The following MIPOL1 variants were observed in gnomAD, a reference collection of about 807,000 sequenced individuals.
MIPOL1 encodes the protein mirror-image polydactyly 1, also known as mirror-image polydactyly gene 1 protein.
A neutral mutation model predicts 60.9 loss-of-function variants in MIPOL1; 57 were observed. The ratio of observed to expected loss-of-function variants is 0.94; its 90% CI spans 0.76 to 1.17. MIPOL1 has a LOEUF of 1.17. MIPOL1 is among the 50% of genes most tolerant of loss of function. The pLI is 0.00. For missense variants in MIPOL1, 551 were observed against 511.6 expected, an observed-to-expected ratio of 1.08 and a Z score of -0.74; for synonymous variants, 179 against 168.8, an observed-to-expected ratio of 1.06 and a Z score of -0.47.
At chr14:37,493,239 A>G (rs2095070497) in intron 11 of MIPOL1, among the ~76,000 whole-genome samples, 1 of 152,216 alleles carries the variant, frequency 6.6e-6, no homozygotes, top group Non-Finnish European at 1.5e-5. Context: ...AGCTTAATCC[A>G]TGTTTAACAT....
At chr14:37,543,989 T>C (rs2095538762) in intron 12 of MIPOL1, among the ~76,000 whole-genome samples, 2 of 152,210 alleles carry the variant, frequency 1.3e-5, no homozygotes, top group Admixed American at 6.5e-5. Context: ...TACTGAAACA[T>C]GCATAAGAAG....
intron 6 of MIPOL1, among the ~76,000 whole-genome samples, chr14:37,281,887 T>A (rs1375980664): frequency 6.6e-6 from 1 of 152,228 alleles, no homozygotes; most frequent in African/African-American, 2.4e-5. Context: ...TTGCATTGAA[T>A]CTTTAGAGTA....
intron 9 of MIPOL1, among the ~76,000 whole-genome samples, chr14:37,331,553 GTTTT>G (rs71127208): frequency 1.4e-5 from 2 of 141,714 alleles, no homozygotes; most frequent in African/African-American, 5.3e-5. Context: ...TTACATTCTT[GTTTT>G]TTTTTTCAGG....
At chr14:37,436,421 C>G (rs182098829) in intron 11 of MIPOL1, among the ~76,000 whole-genome samples, 10 of 152,180 alleles carry the variant, frequency 6.6e-5, no homozygotes, top group Non-Finnish European at 1.5e-4. Flanking sequence ...ATGACACATG[C>G]ATTAGTAAAT....
intron 11 of MIPOL1, among the ~76,000 whole-genome samples, chr14:37,464,517 G>C (rs1390362443): frequency 6.6e-6 from 1 of 152,146 alleles, no homozygotes; most frequent in South Asian, 2.1e-4. Flanking sequence ...TAACTTATAA[G>C]TGGGAGCTAA....
chr14:37,211,273 C>T, intron 1 of MIPOL1, among the ~76,000 whole-genome samples: 1 of 140,836 alleles, frequency 7.1e-6, no homozygotes, highest in African/African-American at 2.7e-5. Flanking sequence ...CAAGTGAGCA[C>T]ACATAGTACC....
At chr14:37,213,634 G>A (rs1160544781) in intron 1 of MIPOL1, among the ~76,000 whole-genome samples, 2 of 152,122 alleles carry the variant, frequency 1.3e-5, no homozygotes, top group Non-Finnish European at 2.9e-5. Flanking sequence ...AGTGGAGAAA[G>A]AGATAGGGGC....
At position 37,228,407 on chromosome 14, in the gene MIPOL1, A is replaced by AG. The variant is rs1257180523; in HGVS notation, c.-198-18692dup. On this transcript the variant is annotated intron_variant, in intron 1 of 12. Coordinates refer to ENST00000684589, the MANE Select transcript of MIPOL1 (RefSeq NM_001388067.1). ...CAGCCTTTTGCAGTTCATTGTCTTA[A>AG]GGGGAACTGGACACCTTCCTGACTT... Among the ~76,000 whole-genome samples the AG allele has an allele frequency of 5.4e-5, 8 of 148,960 alleles. No homozygotes were observed. The Admixed American group carries it at 5.4e-4, about 10-fold the overall frequency.
chr14:37,545,627 G>T, intron 12 of MIPOL1: 1 of 634,802 alleles, frequency 1.6e-6, no homozygotes, highest in South Asian at 1.8e-5. Flanking sequence ...TTGATGCACT[G>T]AATAATTTTG....
At chr14:37,457,514 T>C (rs2094490495) in intron 11 of MIPOL1, among the ~76,000 whole-genome samples, 1 of 152,162 alleles carries the variant, frequency 6.6e-6, no homozygotes, top group African/African-American at 2.4e-5. Flanking sequence ...CTTCTCTCCC[T>C]CACTCACCTT....
chr14:37,442,859 T>C (rs1286528367), intron 11 of MIPOL1, among the ~76,000 whole-genome samples: 1 of 152,050 alleles, frequency 6.6e-6, no homozygotes, highest in Non-Finnish European at 1.5e-5. Flanking sequence ...TGGAAAAACA[T>C]CTGTGTTCAT....
At chr14:37,419,459 G>A (rs150014271) in intron 10 of MIPOL1, among the ~76,000 whole-genome samples, 5 of 151,998 alleles carry the variant, frequency 3.3e-5, no homozygotes, top group African/African-American at 1.2e-4. Context: ...AGTGAAAATG[G>A]GTAAATCTTT....
At chr14:37,200,850 A>ATCTG (rs1965149051) in intron 1 of MIPOL1, among the ~76,000 whole-genome samples, 1 of 87,032 alleles carries the variant, frequency 1.1e-5, no homozygotes, top group Non-Finnish European at 2.0e-5. Context: ...ATATCTATCT[A>ATCTG]TGTGTGTGTG....
At chr14:37,288,173 T>C (rs1026958333) in intron 7 of MIPOL1, among the ~76,000 whole-genome samples, 1 of 151,002 alleles carries the variant, frequency 6.6e-6, no homozygotes, top group East Asian at 2.0e-4. Flanking sequence ...TTTTTGGTTG[T>C]TGTTTTGTTT....
intron 12 of MIPOL1, among the ~76,000 whole-genome samples, chr14:37,518,874 G>T (rs569164781): frequency 6.6e-6 from 1 of 152,076 alleles, no homozygotes; most frequent in Admixed American, 6.6e-5. Context: ...ATAAACCATC[G>T]TGAAAAGGTT....
intron 9 of MIPOL1, among the ~76,000 whole-genome samples, chr14:37,358,353 C>T (rs2091990111): frequency 6.6e-6 from 1 of 152,074 alleles, no homozygotes; most frequent in African/African-American, 2.4e-5. Context: ...GGTATATATC[C>T]AGCAATGGAA....
chr14:37,326,600 A>G (rs2089184961), intron 9 of MIPOL1, among the ~76,000 whole-genome samples: 1 of 152,196 alleles, frequency 6.6e-6, no homozygotes, highest in Non-Finnish European at 1.5e-5. Context: ...GCTGGTCTGT[A>G]CTGCTGGCAG....
At chr14:37,210,799 C>G (rs1051252470) in intron 1 of MIPOL1, among the ~76,000 whole-genome samples, 6 of 152,128 alleles carry the variant, frequency 3.9e-5, no homozygotes, top group Non-Finnish European at 5.9e-5. Context: ...AGGGCAATGT[C>G]TGGTTATCAT....
intron 1 of MIPOL1, chr14:37,219,461 A>G (rs1305513811): frequency 6.6e-6 from 1 of 152,222 alleles, no homozygotes; most frequent in Non-Finnish European, 1.5e-5. Context: ...TCAACCTGGG[A>G]TCAAGTGATC....
Sources: gnomAD v4.1 joint callset for allele counts (sites outside exome capture counted in the v4.1 genomes callset) on GRCh38, gnomAD v4.1.1 for gene constraint, MANE v1.5 for transcripts, NCBI Gene and HGNC (gene_info 2026-07-23, HGNC 2026-07-21) for gene names.